Variants in FASTK observed in about 807,000 individuals in gnomAD.
The protein encoded by FASTK is Fas activated serine/threonine kinase, also known as fas-activated serine/threonine kinase.
A neutral mutation model predicts 60.0 loss-of-function variants in FASTK; 28 were observed. The ratio of observed to expected loss-of-function variants is 0.47; its 90% CI spans 0.35 to 0.64. FASTK has a LOEUF of 0.64. FASTK is among the 30% of genes least tolerant of loss of function. The pLI, the probability that FASTK is intolerant of heterozygous loss-of-function variation, is 0.01. For synonymous variants in FASTK, 325 were observed against 307.9 expected (o/e 1.06, Z -0.58); for missense variants, 595 against 713.8 (o/e 0.83, Z 1.90).
chr7:151,080,617 G>A, intron 1 of FASTK, 68 bp downstream of exon 1: 3 of 1,375,076 alleles, frequency 2.2e-6, no homozygotes, highest in South Asian at 1.7e-5. Context: ...CCAGGAGACC[G>A]TGGCCGCTGC....
In FASTK at chr7:151,080,012, G is replaced by A. The variant is rs1224056721; in HGVS notation, c.83-90C>T. ...TGCTTACCTCACTCCTCATTTAGGG[G>A]GCCTGTGGTCAGAGCAAGCCTTTGT... On this transcript the variant is annotated intron_variant, in intron 1 of 9. Transcript: ENST00000297532. 37 of 1,207,800 alleles carry A rather than the reference G, an allele frequency of 3.1e-5. No homozygotes were observed. In the Middle Eastern group the frequency reaches 9.5e-4, roughly 31 times the overall value. The allele number at this position is 1,207,800 out of a possible 1,614,324, so 74.8% of individuals were successfully genotyped here.
chr7:151,076,814 C>T lies in FASTK; in HGVS notation c.1561G>A (p.Glu521Lys). The change falls in exon 10 of 10, where the codon GAG becomes AAG. Residue 521 changes from glutamate to lysine, a missense_variant. Glu to Lys is a moderately conservative substitution (Grantham distance 56). Transcript: ENST00000297532. The part of the protein sequence containing the change: ...QLLPLPFEEL[E>K]SQRGLPQLKS... ...AGCTGGGGCAGGCCTCTCTGGGACTCCAGTTCCTCGAAGGGTAGCTGTGGG... is the reference window on the plus strand; with the variant it reads ...AGCTGGGGCAGGCCTCTCTGGGACTTCAGTTCCTCGAAGGGTAGCTGTGGG... The T allele has an allele frequency of 1.2e-6, 2 of 1,611,898 alleles. No individual in the cohort carries two copies. The highest frequency in any genetic ancestry group is 1.7e-6 in the Non-Finnish European group (2 of 1,179,194).
At position 151,078,855 on chromosome 7, in the gene FASTK, G is replaced by A; in HGVS notation, c.672C>T (p.Ile224=). The change falls in exon 3 of 10, where the codon ATC becomes ATT. Residue 224 remains isoleucine, a synonymous_variant. Transcript: ENST00000297532. ...RFLRYPRQHL[I]SSLAEARPEE... is the part of the protein sequence containing the mutation. ...CCCCTCCAGCACCTGCCAGGCTGCT[G>A]ATCAGATGCTGCCGTGGATACCGCA... 2 of 1,608,350 alleles carry A rather than the reference G, an allele frequency of 1.2e-6. No individual in the cohort carries two copies. The highest frequency in any genetic ancestry group is 1.1e-5 in the South Asian group (1 of 90,438).
chr7:151,080,032 C>A (rs1375076130), intron 1 of FASTK, 110 bp from the exon 2 acceptor site: 1 of 948,190 alleles, frequency 1.1e-6, no homozygotes, highest in Non-Finnish European at 1.6e-6. Context: ...CAGAGCAAGC[C>A]TTTGTGACTG....
chr7:151,078,503 G>A (rs555614802), intron 4 of FASTK, 59 bp downstream of exon 4: 2 of 1,586,028 alleles, frequency 1.3e-6, no homozygotes, highest in African/African-American at 2.7e-5. Flanking sequence ...CGAGGCGCTG[G>A]GCCTGACAAG....
At position 151,076,939 on chromosome 7, in the gene FASTK, C is replaced by G; in HGVS notation, c.1516G>C (p.Gly506Arg). 6.2e-7 allele frequency: 1 copy of G among 1,611,056 alleles called. No individual in the cohort carries two copies. The highest frequency in any genetic ancestry group is 1.1e-5 in the South Asian group (1 of 90,836). The change falls in exon 9 of 10, where the codon GGC (glycine) becomes CGC (arginine). Residue 506 changes from glycine to arginine, a missense_variant. Transcript: ENST00000297532. ...GSRALRERHL[G>R]LMGYQLLPLP... ...GGCAGGAGCTGGTAGCCCATCAGGCCTAGGTGCCGCTCCCTCAGGGCCCTC... is the reference window on the plus strand; with the variant it reads ...GGCAGGAGCTGGTAGCCCATCAGGCGTAGGTGCCGCTCCCTCAGGGCCCTC...
rs1234268575 is a variant in FASTK at position 151,077,015 on chromosome 7, C to T, written c.1440G>A (p.Val480=). Residue 480 remains valine, a synonymous_variant, in exon 9 of 10, where the codon GTG becomes GTA. Coordinates refer to ENST00000297532, the MANE Select transcript of FASTK (RefSeq NM_006712.5). ...TRDPAQRVVL[V]LRERWHFCRD... is the part of the protein sequence containing the mutation. The stretch of plus-strand genomic sequence containing the variant: ...GGCAGAAATGCCAGCGTTCCCGCAA[C>T]ACCAGCACCACCCTGCAGGGGGAGG... 14 of 1,612,612 alleles carry T rather than the reference C, an allele frequency of 8.7e-6. No individual in the cohort carries two copies. Among genetic ancestry groups the T allele is most frequent in the South Asian group, 2.2e-5 (2 of 91,056 alleles).
chr7:151,077,769 C>A lies in FASTK; in HGVS notation c.1051G>T (p.Ala351Ser). The stretch of plus-strand genomic sequence containing the variant: ...GAGAGGTAGCGACGCACAATCAGAG[C>A]ATGAGGGGTGCCTGTGGGGAGGCGG... ...FINYISGTPH[A>S]LIVRRYLSLL... The change falls in exon 6 of 10, where the codon GCT (alanine) becomes TCT (serine). Residue 351 changes from alanine to serine, a missense_variant. Physicochemically the swap from Ala to Ser is moderately conservative, Grantham distance 99. Transcript: ENST00000297532. 1 of 1,597,108 alleles carries A rather than the reference C, an allele frequency of 6.3e-7. No homozygotes were observed. The highest frequency in any genetic ancestry group is 1.1e-5 in the South Asian group (1 of 90,134).
At chr7:151,079,343 A>T in intron 2 of FASTK, 157 bp downstream of exon 2, 1 of 741,098 alleles carries the variant, frequency 1.3e-6, no homozygotes, top group African/African-American at 1.8e-5. Flanking sequence ...AGTGCGTTCG[A>T]CTCATGATGT....
In FASTK at chr7:151,078,695, C is replaced by T. The variant is rs1439292043; in HGVS notation, c.692G>A (p.Arg231Lys). 3.1e-6 allele frequency: 5 copies of T among 1,612,724 alleles called. No individual in the cohort carries two copies. Among genetic ancestry groups the T allele is most frequent in the Middle Eastern group, 1.6e-4 (1 of 6,084 alleles). The change falls in exon 4 of 10, where the codon AGG (arginine) becomes AAG (lysine). Residue 231 changes from arginine (R) to lysine (K), a missense_variant. Physicochemically the swap from Arg to Lys is conservative, Grantham distance 26. Around this residue, in one of 2 missense-constraint regions of FASTK, gnomAD observed 471 missense variants for 605.9 expected, o/e 0.78. Coordinates refer to ENST00000297532, the MANE Select transcript of FASTK (RefSeq NM_006712.5). ...QHLISSLAEA[R>K]PEELTPHVMV... ...CACGTGGGGAGTCAGTTCCTCTGGCCTTGCCTCTGTGAAGAGCAGCCTGTC... is the reference window on the plus strand; with the variant it reads ...CACGTGGGGAGTCAGTTCCTCTGGCTTTGCCTCTGTGAAGAGCAGCCTGTC...
Position 151,077,743 on chromosome 7 carries a change from G to A in FASTK, c.1077C>T (p.Ser359=), listed in dbSNP as rs769893954. The A allele has an allele frequency of 3.1e-6, 5 of 1,597,364 alleles. No individual in the cohort carries two copies. The highest frequency in any genetic ancestry group is 1.7e-5 in the Admixed American group (1 of 57,312). ...PHALIVRRYL[S]LLDTAVELEL... ...CCAGCTCCACGGCCGTGTCCAGCAGGGAGAGGTAGCGACGCACAATCAGAG... is the reference window on the plus strand; with the variant it reads ...CCAGCTCCACGGCCGTGTCCAGCAGAGAGAGGTAGCGACGCACAATCAGAG... Residue 359 remains serine, a synonymous_variant, in exon 6 of 10, where the codon TCC becomes TCT. Coordinates refer to ENST00000297532, the MANE Select transcript of FASTK (RefSeq NM_006712.5).
chr7:151,080,309 C>T, intron 1 of FASTK: 1 of 429,406 alleles, frequency 2.3e-6, no homozygotes, highest in Non-Finnish European at 3.7e-6. Context: ...GTCTGGAGCC[C>T]AGGCGGCACC....
At position 151,078,556 on chromosome 7, in the gene FASTK, G is replaced by C; in HGVS notation, c.825+6C>G. 1 of 1,612,292 alleles carries C rather than the reference G, an allele frequency of 6.2e-7. No individual in the cohort carries two copies. Among genetic ancestry groups the C allele is most frequent in the South Asian group, 1.1e-5 (1 of 91,060 alleles). On this transcript the variant is annotated splice_donor_region_variant and intron_variant, in intron 4 of 9. Coordinates refer to ENST00000297532, the MANE Select transcript of FASTK (RefSeq NM_006712.5). ...AGATGCACTGGAGGGTGGGTGGCAA[G>C]CCCACCTTGCTGCTGAGTTGCGTTT... is the stretch of plus-strand genomic sequence containing the variant.
chr7:151,078,961 G>A lies in FASTK; in HGVS notation c.566C>T (p.Pro189Leu), dbSNP rs1324719968. The A allele has an allele frequency of 1.4e-5, 22 of 1,559,218 alleles. No homozygotes were observed. The highest frequency in any genetic ancestry group is 1.8e-5 in the Non-Finnish European group (21 of 1,157,920). Residue 189 changes from proline to leucine, a missense_variant, in exon 3 of 10, where the codon CCT becomes CTT. By Grantham distance (98) the Pro-to-Leu change is moderately conservative (BLOSUM62 -3). Transcript: ENST00000297532. ...ALEQERRLRL[P>L]PKPPPPLQPL... ...CTGCAAAGGGGGAGGTGGCTTCGGA[G>A]GGAGGCGGAGCCTTCGCTCCTGTTC...
chr7:151,077,973 T>G lies in FASTK; in HGVS notation c.945A>C (p.Thr315=). 1 of 1,613,574 alleles carries G rather than the reference T, an allele frequency of 6.2e-7. No individual in the cohort carries two copies. Among genetic ancestry groups the G allele is most frequent in the African/African-American group, 1.3e-5 (1 of 75,052 alleles). Residue 315 remains threonine (T), a synonymous_variant, in exon 5 of 10, where the codon ACA becomes ACC. Coordinates refer to ENST00000297532, the MANE Select transcript of FASTK (RefSeq NM_006712.5). The part of the protein sequence containing the change: ...AREAGVAPLA[T]VNILMSLCQL... ...GGCACAGTGACATCAAGATGTTGAC[T>G]GTAGCCAGGGGTGCCACCCCTGCTT...
At position 151,077,161 on chromosome 7, in the gene FASTK, G is replaced by T; in HGVS notation, c.1367C>A (p.Pro456Gln). ...AGCCTGGCCCTGTGGGCAGGACCTTGGTGGGTATGGCAGGAAGGGGTCCTG... is the reference window on the plus strand; with the variant it reads ...AGCCTGGCCCTGTGGGCAGGACCTTTGTGGGTATGGCAGGAAGGGGTCCTG... ...RTQDPFLPYP[P>Q]RSCPQGQAAS... Residue 456 changes from proline (P) to glutamine (Q), a missense_variant, in exon 8 of 10, where the codon CCA (proline) becomes CAA (glutamine). By Grantham distance (76) the Pro-to-Gln change is moderately conservative. Coordinates refer to ENST00000297532, the MANE Select transcript of FASTK (RefSeq NM_006712.5). 6.2e-7 allele frequency: 1 copy of T among 1,613,384 alleles called. No homozygotes were observed. The highest frequency in any genetic ancestry group is 8.5e-7 in the Non-Finnish European group (1 of 1,179,738).
At chr7:151,079,098 C>T (rs1797837184) in intron 2 of FASTK, 77 bp from the exon 3 acceptor site, 4 of 1,248,484 alleles carry the variant, frequency 3.2e-6, no homozygotes, top group Non-Finnish European at 3.2e-6. Context: ...TTGGTGAATT[C>T]TCCACCTTTC....
At chr7:151,080,533 C>T (rs959571558) in intron 1 of FASTK, 152 bp downstream of exon 1, 1 of 1,294,742 alleles carries the variant, frequency 7.7e-7, no homozygotes, top group East Asian at 3.2e-5. Context: ...CGCGTGGAGC[C>T]CGAGTGCACC....
Position 151,079,322 on chromosome 7 carries a change from A to C in FASTK, c.505+178T>G, listed in dbSNP as rs1797848634. The C allele has an allele frequency of 7.6e-6, 5 of 656,726 alleles. No individual in the cohort carries two copies. The East Asian group carries it at 1.4e-4, about 19-fold the overall frequency. 40.7% of individuals were successfully genotyped at this position (656,726 alleles called of 1,614,324 possible). On this transcript the variant is annotated intron_variant, in intron 2 of 9. Coordinates refer to ENST00000297532, the MANE Select transcript of FASTK (RefSeq NM_006712.5). ...AGGAATCTGGGGTGGCACCCTAGCGAGGCCGGAAGGAGTGCGTTCGACTCA... is the reference window on the plus strand; with the variant it reads ...AGGAATCTGGGGTGGCACCCTAGCGCGGCCGGAAGGAGTGCGTTCGACTCA...
Sources: gnomAD v4.1 joint callset for allele counts on GRCh38, gnomAD v4.1.1 for gene constraint, gnomAD v4.1.1 regional missense constraint, MANE v1.5 for transcripts, NCBI Gene and HGNC (gene_info 2026-07-23, HGNC 2026-07-21) for gene names.